Variants in TBC1D8 observed in about 807,000 individuals in gnomAD.
TBC1D8 encodes the protein BUB2-like protein 1.
A neutral mutation model predicts 118.8 loss-of-function variants in TBC1D8; 65 were observed. The observed-to-expected ratio is 0.55, with a 90% confidence interval of 0.45 to 0.67. The LOEUF (loss-of-function observed/expected upper bound fraction) is 0.67. TBC1D8 is among the 30% of genes least tolerant of loss of function. The pLI is 0.00. For synonymous variants in TBC1D8, 566 were observed against 595.8 expected, an observed-to-expected ratio of 0.95 and a Z score of 0.73; for missense variants, 1,376 against 1,471.2, an observed-to-expected ratio of 0.94 and a Z score of 1.06.
Position 101,036,027 on chromosome 2 carries a change from G to A in TBC1D8, c.1594C>T (p.Leu532Phe). ...PESLRGRLWL[L>F]FSDAVTDLAS... ...CACCAAGAGCGCTTACCTGAGAAGA[G>A]AAGCCAGAGTCTCCCTCGCAAAGAT... The change falls in exon 9 of 20, where the codon CTC becomes TTC. Residue 532 changes from leucine to phenylalanine, a missense_variant. Coordinates refer to ENST00000409318, the MANE Select transcript of TBC1D8 (RefSeq NM_001330348.2). The A allele has an allele frequency of 6.2e-7, 1 of 1,614,018 alleles. No homozygotes were observed. The highest frequency in any genetic ancestry group is 8.5e-7 in the Non-Finnish European group (1 of 1,179,908).
chr2:101,014,544 C>G (rs935036754), intron 17 of TBC1D8, among the ~76,000 whole-genome samples: 30 of 152,054 alleles, frequency 2.0e-4, no homozygotes, highest in African/African-American at 6.5e-4. Flanking sequence ...CTGTTTTTTC[C>G]CTGAGGGAGG....
chr2:101,029,627 C>T lies in TBC1D8; in HGVS notation c.2086G>A (p.Ala696Thr). The change falls in exon 12 of 20, where the codon GCG becomes ACG. Residue 696 changes from alanine to threonine, a missense_variant. Coordinates refer to ENST00000409318, the MANE Select transcript of TBC1D8 (RefSeq NM_001330348.2). The part of the protein sequence containing the change: ...LFLSIMPLES[A>T]VNVVDCFFYD... The stretch of plus-strand genomic sequence containing the variant: ...AAGAAGCAGTCTACCACATTCACCG[C>T]ACTCTCTAGAGGCATGATGCTGAGG... 1.2e-6 allele frequency: 2 copies of T among 1,614,028 alleles called. No homozygotes were observed.
In TBC1D8 at chr2:101,020,540, CA is replaced by C. The variant is rs555534219; in HGVS notation, c.2827+1140del. On this transcript the variant is annotated intron_variant, in intron 17 of 19. Transcript: ENST00000409318. Reference sequence around the variant, plus strand: ...AAATAAATAATAAACAATTTGCACTCAAGTCATAATAGTGCATATTGTCAAT... The same window carrying C: ...AAATAAATAATAAACAATTTGCACTCAGTCATAATAGTGCATATTGTCAAT... 5.9e-3 allele frequency among the ~76,000 whole-genome samples: 905 copies of C among 152,278 alleles called. 2 individuals carry two copies. Among genetic ancestry groups the C allele is most frequent in the Non-Finnish European group, 9.7e-3 (657 of 68,030 alleles).
intron 1 of TBC1D8, among the ~76,000 whole-genome samples, chr2:101,090,649 C>G (rs1322781663): frequency 6.6e-6 from 1 of 152,208 alleles, no homozygotes; most frequent in Non-Finnish European, 1.5e-5. Flanking sequence ...AGCTAAGGCA[C>G]TAAGTCCCAG....
chr2:101,019,250 TAAGTG>T (rs771332335), intron 17 of TBC1D8: 2 of 458,960 alleles, frequency 4.4e-6, no homozygotes, highest in Admixed American at 3.6e-5. Flanking sequence ...TAATAAGACT[TAAGTG>T]AAGAGAATTC....
At chr2:101,019,129 C>T (rs1298589261) in intron 17 of TBC1D8, 23 of 1,522,478 alleles carry the variant, frequency 1.5e-5, no homozygotes, top group African/African-American at 2.7e-5. Flanking sequence ...CCAAGCTCAC[C>T]GAGGACGTCT....
At chr2:101,049,594 G>C (rs911679358) in intron 5 of TBC1D8, among the ~76,000 whole-genome samples, 1 of 151,872 alleles carries the variant, frequency 6.6e-6, no homozygotes, top group Non-Finnish European at 1.5e-5. Flanking sequence ...TGGGCGTGGT[G>C]GTGGGCACCT....
intron 1 of TBC1D8, among the ~76,000 whole-genome samples, chr2:101,116,137 T>A (rs959042142): frequency 6.6e-6 from 1 of 152,200 alleles, no homozygotes; most frequent in African/African-American, 2.4e-5. Context: ...ACCAACTTCA[T>A]GTTTCCAAGT....
At position 101,085,945 on chromosome 2, in the gene TBC1D8, T is replaced by C. The variant is rs141426144; in HGVS notation, c.283+4264A>G. Among the ~76,000 whole-genome samples, 1,221 of 152,216 alleles carry C rather than the reference T, an allele frequency of 8.0e-3. 18 individuals carry two copies. The highest frequency in any genetic ancestry group is 0.027 in the African/African-American group (1,135 of 41,542). On this transcript the variant is annotated intron_variant, in intron 2 of 19. Transcript: ENST00000409318. ...TCACGAGGTCAGGAGATTGAGACCA[T>C]CCTGGCTAACAGGGTGAAACCTCGT...
intron 2 of TBC1D8, among the ~76,000 whole-genome samples, chr2:101,082,544 TATG>T (rs1444749402): frequency 4.6e-5 from 7 of 152,190 alleles, no homozygotes; most frequent in African/African-American, 1.7e-4. Context: ...CATTCAGAGA[TATG>T]ATTTCAAACA....
At chr2:101,108,916 C>T (rs1328624271) in intron 1 of TBC1D8, among the ~76,000 whole-genome samples, 3 of 152,158 alleles carry the variant, frequency 2.0e-5, no homozygotes, top group Non-Finnish European at 4.4e-5. Flanking sequence ...CATACCACTA[C>T]AAGTTGTCAG....
At position 101,050,403 on chromosome 2, in the gene TBC1D8, C is replaced by G; in HGVS notation, c.870G>C (p.Lys290Asn). Residue 290 changes from lysine to asparagine, a missense_variant and splice_region_variant, in exon 5 of 20, where the codon AAG (lysine) becomes AAC (asparagine). Coordinates refer to ENST00000409318, the MANE Select transcript of TBC1D8 (RefSeq NM_001330348.2). ...PDLQEPSQIT[K>N]RDLEARAQNE... ...CACTCTAGAACAGTCACTTTCACCT[C>G]TTGGTGATCTGGCTCGGCTCCTGCA... The G allele has an allele frequency of 6.2e-7, 1 of 1,612,698 alleles. No individual in the cohort carries two copies. Among genetic ancestry groups the G allele is most frequent in the Non-Finnish European group, 8.5e-7 (1 of 1,179,638 alleles).
At chr2:101,058,834 C>T (rs1289942122) in intron 3 of TBC1D8, among the ~76,000 whole-genome samples, 1 of 149,976 alleles carries the variant, frequency 6.7e-6, no homozygotes. Context: ...TTTTTTTTTC[C>T]TGGGATAAAA....
At chr2:101,069,932 T>C (rs971297866) in intron 2 of TBC1D8, among the ~76,000 whole-genome samples, 39 of 135,086 alleles carry the variant, frequency 2.9e-4, no homozygotes, top group East Asian at 6.3e-4. Context: ...TTTTTTTTTT[T>C]CACACGGAAT....
intron 5 of TBC1D8, among the ~76,000 whole-genome samples, chr2:101,041,232 G>A (rs1341873954): frequency 2.0e-5 from 3 of 152,192 alleles, no homozygotes; most frequent in South Asian, 2.1e-4. Flanking sequence ...TCTTGCACAC[G>A]AATGTTCTTA....
chr2:101,137,190 G>A (rs1051241894), intron 1 of TBC1D8, among the ~76,000 whole-genome samples: 9 of 150,342 alleles, frequency 6.0e-5, no homozygotes, highest in East Asian at 2.0e-4. Context: ...GTGCCACCAC[G>A]CCCAGCTAAT....
chr2:101,084,752 C>A (rs1396503757), intron 2 of TBC1D8, among the ~76,000 whole-genome samples: 6 of 152,000 alleles, frequency 3.9e-5, no homozygotes, highest in Non-Finnish European at 8.8e-5. Context: ...CGACATCAAG[C>A]ATGTGTCTGG....
In TBC1D8 at chr2:101,090,221, C is replaced by G; in HGVS notation, c.271G>C (p.Ala91Pro). 6.2e-7 allele frequency: 1 copy of G among 1,613,300 alleles called. No homozygotes were observed. The change falls in exon 2 of 20, where the codon GCC (alanine) becomes CCC (proline). Residue 91 changes from alanine (A) to proline (P), a missense_variant. Physicochemically the swap from Ala to Pro is conservative, Grantham distance 27. Coordinates refer to ENST00000409318, the MANE Select transcript of TBC1D8 (RefSeq NM_001330348.2). ...GAACAAAACTCACCAGTGGCTATGG[C>G]CCAGTAAACGTCTGATCCATTCAGT... is the stretch of plus-strand genomic sequence containing the variant. ...ELLNGSDVYW[A>P]IATGATLEEI... is the part of the protein sequence containing the mutation.
chr2:101,008,015 C>G lies in TBC1D8; in HGVS notation c.3274G>C (p.Ala1092Pro). 5 of 1,613,998 alleles carry G rather than the reference C, an allele frequency of 3.1e-6. No homozygotes were observed. The highest frequency in any genetic ancestry group is 4.2e-6 in the Non-Finnish European group (5 of 1,179,892). The change falls in exon 20 of 20, where the codon GCA becomes CCA. Residue 1092 changes from alanine (A) to proline (P), a missense_variant. Ala to Pro is a conservative substitution (Grantham distance 27). Transcript: ENST00000409318. ...PQDSQAFPEA[A>P]ERDWTVSLEH... ...AGGGAGACAGTCCAGTCCCTTTCTG[C>G]CGCCTCTGGAAATGCCTGGGAGTCC...
Sources: gnomAD v4.1 joint callset for allele counts (sites outside exome capture counted in the v4.1 genomes callset) on GRCh38, gnomAD v4.1.1 for gene constraint, MANE v1.5 for transcripts, NCBI Gene and HGNC (gene_info 2026-07-23, HGNC 2026-07-21) for gene names.